USP3: variants seen among roughly 807,000 people sequenced by gnomAD.
USP3 encodes the protein ubiquitin specific peptidase 3.
USP3 carries 20 observed loss-of-function variants against 72.3 expected under a neutral mutation model. The observed-to-expected ratio is 0.28, with a 90% confidence interval of 0.19 to 0.40. The LOEUF (loss-of-function observed/expected upper bound fraction) is 0.40, where lower values mean the gene tolerates loss of function less well. Ranked by LOEUF, USP3 falls within the 10% of genes least tolerant of loss-of-function variation. USP3 has a pLI of 1.00. For missense variants in USP3, 479 were observed against 633.9 expected (o/e 0.76, Z 2.62); for synonymous variants, 222 against 225.3 (o/e 0.99, Z 0.13).
chr15:63,536,946 A>G, intron 2 of USP3, 79 bp from the exon 3 acceptor site: 1 of 1,401,384 alleles, frequency 7.1e-7, no homozygotes, highest in Admixed American at 2.3e-5. Context: ...TGATTTGATT[A>G]ATATTTAATT....
intron 1 of USP3, among the ~76,000 whole-genome samples, chr15:63,517,965 G>T (rs942935055): frequency 1.3e-5 from 2 of 152,138 alleles, no homozygotes; most frequent in Admixed American, 1.3e-4. Flanking sequence ...TTGTGGGTTT[G>T]TATCTGTTTT....
intron 8 of USP3, among the ~76,000 whole-genome samples, chr15:63,564,672 C>T (rs1289167962): frequency 6.6e-6 from 1 of 152,180 alleles, no homozygotes; most frequent in Non-Finnish European, 1.5e-5. Context: ...AATAAGGTAA[C>T]CAGGCTGACG....
At chr15:63,589,721 T>C (rs1485984964) in intron 14 of USP3, among the ~76,000 whole-genome samples, 2 of 152,164 alleles carry the variant, frequency 1.3e-5, no homozygotes, top group Admixed American at 6.5e-5. Context: ...TTGTTCTCTG[T>C]ACCCCTATTA....
chr15:63,513,308 G>A (rs2065813930), intron 1 of USP3, among the ~76,000 whole-genome samples: 1 of 152,308 alleles, frequency 6.6e-6, no homozygotes, highest in South Asian at 2.1e-4. Context: ...CTGATTATAA[G>A]AAAGTACAGT....
rs189384768 is a variant in USP3, at chr15:63,553,603, A to G, written c.285-112A>G. On this transcript the variant is annotated intron_variant, in intron 3 of 14. Transcript: ENST00000380324. The surrounding 1 kb of genome is among the most constrained non-coding windows in gnomAD (Gnocchi z 4.2). The stretch of plus-strand genomic sequence containing the variant: ...CCTCTTTAAACTTACCACCAGCAGT[A>G]ACTGCCTGCAGAGCCATGTGATCAT... 4 of 835,230 alleles carry G rather than the reference A, an allele frequency of 4.8e-6. No homozygotes were observed. The highest frequency in any genetic ancestry group is 2.9e-5 in the South Asian group (1 of 34,078). The allele number at this position is 835,230 out of a possible 1,614,324, so 51.7% of individuals were successfully genotyped here.
At chr15:63,511,569 A>G (rs1390166516) in intron 1 of USP3, among the ~76,000 whole-genome samples, 1 of 152,218 alleles carries the variant, frequency 6.6e-6, no homozygotes, top group Non-Finnish European at 1.5e-5. Context: ...TAATATTTTT[A>G]TAGGCCGAAA....
chr15:63,525,592 A>G (rs1360758858), intron 1 of USP3, among the ~76,000 whole-genome samples: 2 of 151,384 alleles, frequency 1.3e-5, no homozygotes, highest in South Asian at 2.1e-4. Context: ...GACTTTACCA[A>G]CTCCTCCCCC....
intron 11 of USP3, among the ~76,000 whole-genome samples, chr15:63,586,103 G>A (rs1338927862): frequency 6.6e-6 from 1 of 152,102 alleles, no homozygotes; most frequent in African/African-American, 2.4e-5. Context: ...TAACTGTAGG[G>A]TTTTACATGA....
At chr15:63,542,209 G>A in intron 3 of USP3, 1 of 984,678 alleles carries the variant, frequency 1.0e-6, no homozygotes, top group Non-Finnish European at 1.2e-6. Flanking sequence ...ATTTTTCTCT[G>A]TCTTGGGTAT....
intron 3 of USP3, among the ~76,000 whole-genome samples, chr15:63,546,132 T>G (rs1189015183): frequency 1.3e-5 from 2 of 152,154 alleles, no homozygotes; most frequent in African/African-American, 4.8e-5. Context: ...TGAAGTCCTG[T>G]GTATATGAAG....
chr15:63,521,937 C>T (rs746371851), intron 1 of USP3, among the ~76,000 whole-genome samples: 2 of 152,184 alleles, frequency 1.3e-5, no homozygotes, highest in Non-Finnish European at 2.9e-5. Context: ...TGCTGCTGGT[C>T]TCCTCCGGTG....
rs1307878219 is a variant in USP3 at position 63,592,342 on chromosome 15, TTTTC to T, written c.*1520_*1523del. On this transcript the variant is annotated 3_prime_UTR_variant, in exon 15 of 15. Transcript: ENST00000380324. ...AGACAGTCCTGTGGTGGTTTTTTTT[TTTTC>T]TTTTTTTTGGTTGGGGGCGGTGGGG... 6.6e-6 allele frequency: 1 copy of T among 151,388 alleles called. No homozygotes were observed. Among genetic ancestry groups the T allele is most frequent in the African/African-American group, 2.4e-5 (1 of 41,486 alleles). The allele number at this position is 151,388 out of a possible 1,614,324, so 9.4% of individuals were successfully genotyped here.
intron 1 of USP3, among the ~76,000 whole-genome samples, chr15:63,515,140 C>T: frequency 6.6e-6 from 1 of 152,224 alleles, no homozygotes; most frequent in African/African-American, 2.4e-5. Context: ...CTTCCTCCCA[C>T]TATCCTTTCC....
In USP3 at chr15:63,553,708, C is replaced by G. The variant is rs1339575798; in HGVS notation, c.285-7C>G. 6.2e-7 allele frequency: 1 copy of G among 1,611,294 alleles called. No individual in the cohort carries two copies. Among genetic ancestry groups the G allele is most frequent in the South Asian group, 1.1e-5 (1 of 90,668 alleles). Reference sequence around the variant, plus strand: ...TTTACACACATTGATTAATATTTTCCTTGCAGTTATCGCTGTGATGATTTT... The same window carrying G: ...TTTACACACATTGATTAATATTTTCGTTGCAGTTATCGCTGTGATGATTTT... On this transcript the variant is annotated splice_polypyrimidine_tract_variant and splice_region_variant and intron_variant, in intron 3 of 14. Coordinates refer to ENST00000380324, the MANE Select transcript of USP3 (RefSeq NM_006537.4). This position sits in a 1 kb window ranked among gnomAD's most constrained non-coding sequence, Gnocchi z 4.2.
intron 1 of USP3, among the ~76,000 whole-genome samples, chr15:63,532,200 T>G (rs949982930): frequency 6.6e-6 from 1 of 152,266 alleles, no homozygotes; most frequent in Non-Finnish European, 1.5e-5. Context: ...TTCCTAATTG[T>G]AACCTTATGT....
At chr15:63,584,874 G>A (rs1369522212) in intron 11 of USP3, among the ~76,000 whole-genome samples, 1 of 152,072 alleles carries the variant, frequency 6.6e-6, no homozygotes, top group African/African-American at 2.4e-5. Flanking sequence ...TTTCTTCTAA[G>A]AGTTTTATAG....
At chr15:63,518,757 C>T (rs1347568702) in intron 1 of USP3, among the ~76,000 whole-genome samples, 3 of 151,974 alleles carry the variant, frequency 2.0e-5, no homozygotes, top group Non-Finnish European at 2.9e-5. Context: ...TTTTGTTTTT[C>T]CCCAAGAACA....
intron 3 of USP3, among the ~76,000 whole-genome samples, chr15:63,550,353 T>A (rs946566084): frequency 3.9e-5 from 6 of 152,202 alleles, no homozygotes; most frequent in Non-Finnish European, 5.9e-5. Flanking sequence ...TGATACAGTC[T>A]GCCTTAGGGC....
At chr15:63,535,281 T>C (rs1270435659) in intron 2 of USP3, among the ~76,000 whole-genome samples, 1 of 152,226 alleles carries the variant, frequency 6.6e-6, no homozygotes, top group Non-Finnish European at 1.5e-5. Context: ...CATGTTATCT[T>C]GAAATATGTG....
Sources: gnomAD v4.1 joint callset for allele counts (sites outside exome capture counted in the v4.1 genomes callset) on GRCh38, gnomAD v4.1.1 for gene constraint, Gnocchi (gnomAD v3.1) non-coding constraint, MANE v1.5 for transcripts, NCBI Gene and HGNC (gene_info 2026-07-23, HGNC 2026-07-21) for gene names.